The following SMYD3 variants were observed in gnomAD, a reference collection of about 807,000 sequenced individuals.
The protein encoded by SMYD3 is SET and MYND domain containing 3.
A neutral mutation model predicts 57.7 loss-of-function variants in SMYD3; 36 were observed. The observed-to-expected ratio is 0.62, with a 90% CI of 0.48 to 0.82. SMYD3 has a LOEUF of 0.82. Ranked by LOEUF, SMYD3 falls within the 40% of genes least tolerant of loss-of-function variation. The probability of loss-of-function intolerance (pLI) is 0.00; values close to 1 mark genes in which losing one functional copy is unlikely to be tolerated. For synonymous variants in SMYD3, 211 were observed against 195.0 expected, an observed-to-expected ratio of 1.08 and a Z score of -0.68; for missense variants, 515 against 538.8, an observed-to-expected ratio of 0.96 and a Z score of 0.44.
At chr1:245,972,898 C>A (rs1454068357) in intron 5 of SMYD3, among the ~76,000 whole-genome samples, 4 of 152,254 alleles carry the variant, frequency 2.6e-5, no homozygotes, top group Non-Finnish European at 5.9e-5. Context: ...TGAAGCTACT[C>A]AATTATCATT....
intron 5 of SMYD3, among the ~76,000 whole-genome samples, chr1:245,994,724 C>T (rs913348523): frequency 6.6e-6 from 1 of 152,062 alleles, no homozygotes; most frequent in East Asian, 1.9e-4. Flanking sequence ...ACTTCCCTCT[C>T]ATTATCCATC....
At chr1:246,439,508 A>G (rs1031518072) in intron 1 of SMYD3, among the ~76,000 whole-genome samples, 12 of 152,088 alleles carry the variant, frequency 7.9e-5, no homozygotes, top group African/African-American at 2.9e-4. Context: ...GCACACCAAC[A>G]ATTATCACCT....
intron 5 of SMYD3, among the ~76,000 whole-genome samples, chr1:246,290,195 G>T (rs1472978381): frequency 1.3e-5 from 2 of 152,092 alleles, no homozygotes; most frequent in Non-Finnish European, 2.9e-5. Flanking sequence ...TGGAGAAAAG[G>T]GAACTAAACC....
chr1:246,502,135 C>CTTTTTTTTTTTTTTT (rs56336266), intron 1 of SMYD3, among the ~76,000 whole-genome samples: 1 of 145,914 alleles, frequency 6.9e-6, no homozygotes, highest in Non-Finnish European at 1.5e-5. Context: ...ATGCAGCTGC[C>CTTTTTTTTTTTTTTT]TTTTTTTTTT....
intron 1 of SMYD3, among the ~76,000 whole-genome samples, chr1:246,405,803 G>A (rs544862848): frequency 4.0e-5 from 6 of 151,712 alleles, no homozygotes; most frequent in South Asian, 2.1e-4. Context: ...CCAGCTACCC[G>A]GGAGGCTGAG....
intron 10 of SMYD3, among the ~76,000 whole-genome samples, chr1:245,805,666 C>A (rs1367624318): frequency 6.6e-6 from 1 of 152,202 alleles, no homozygotes; most frequent in Admixed American, 6.5e-5. Context: ...TTTTTACCAT[C>A]TATTAGTCAT....
At chr1:246,358,814 C>T (rs1034310636) in intron 1 of SMYD3, among the ~76,000 whole-genome samples, 5 of 152,194 alleles carry the variant, frequency 3.3e-5, no homozygotes, top group Middle Eastern at 3.4e-3. Context: ...ACAGCAAAAG[C>T]GGTGCTAAGC....
chr1:245,818,767 T>C (rs2048992481), intron 10 of SMYD3, among the ~76,000 whole-genome samples: 1 of 152,022 alleles, frequency 6.6e-6, no homozygotes, highest in African/African-American at 2.4e-5. Flanking sequence ...AAACAGACTT[T>C]AAACCAACAA....
chr1:245,827,315 G>A (rs1054458078), intron 10 of SMYD3, among the ~76,000 whole-genome samples: 3 of 152,160 alleles, frequency 2.0e-5, no homozygotes, highest in African/African-American at 7.2e-5. Context: ...CAACACAACA[G>A]AGAGCGACAC....
rs924212162 is a variant in SMYD3 at position 246,210,059 on chromosome 1, T to C, written c.531+117142A>G. On this transcript the variant is annotated intron_variant, in intron 5 of 11. Coordinates refer to ENST00000490107, the MANE Select transcript of SMYD3 (RefSeq NM_001167740.2). ...CAATATCAGAATCACCTAGAGAGCC[T>C]GTTTAAAATGCATATTCCTAAGTTA... Among the ~76,000 whole-genome samples the C allele has an allele frequency of 9.9e-5, 15 of 152,166 alleles. 1 individual carries two copies. Among genetic ancestry groups the C allele is most frequent in the African/African-American group, 3.6e-4 (15 of 41,406 alleles).
intron 8 of SMYD3, among the ~76,000 whole-genome samples, chr1:245,910,134 A>T (rs1396288994): frequency 6.6e-6 from 1 of 152,190 alleles, no homozygotes; most frequent in Non-Finnish European, 1.5e-5. Context: ...AACATACAAA[A>T]ATCAGTAGCA....
chr1:245,902,512 A>C (rs554088320), intron 8 of SMYD3, among the ~76,000 whole-genome samples: 18 of 152,294 alleles, frequency 1.2e-4, no homozygotes, highest in African/African-American at 4.1e-4. Flanking sequence ...GGGTCAACCC[A>C]TCTCCAGTGG....
intron 5 of SMYD3, among the ~76,000 whole-genome samples, chr1:246,257,856 G>C (rs1434222075): frequency 2.6e-5 from 4 of 152,086 alleles, no homozygotes; most frequent in African/African-American, 9.7e-5. Flanking sequence ...GTGGGAGGGA[G>C]GTGTCACACC....
At chr1:245,999,984 T>C (rs1304539283) in intron 5 of SMYD3, among the ~76,000 whole-genome samples, 1 of 152,200 alleles carries the variant, frequency 6.6e-6, no homozygotes, top group Non-Finnish European at 1.5e-5. Flanking sequence ...TCCTCTTTTA[T>C]AAAATTGGAA....
At chr1:246,495,540 G>A (rs912741162) in intron 1 of SMYD3, among the ~76,000 whole-genome samples, 1 of 152,106 alleles carries the variant, frequency 6.6e-6, no homozygotes, top group Admixed American at 6.5e-5. Context: ...GATGAGAGCT[G>A]TTCAAAGACA....
At chr1:245,801,458 C>A (rs568386190) in intron 10 of SMYD3, among the ~76,000 whole-genome samples, 2 of 152,250 alleles carry the variant, frequency 1.3e-5, no homozygotes, top group Non-Finnish European at 2.9e-5. Context: ...GCATTCAAGT[C>A]TAAGTCCATG....
At chr1:246,343,742 C>T (rs1386111797) in intron 2 of SMYD3, among the ~76,000 whole-genome samples, 1 of 152,150 alleles carries the variant, frequency 6.6e-6, no homozygotes, top group Non-Finnish European at 1.5e-5. Flanking sequence ...TATCTCTGAT[C>T]CAGATTATTG....
chr1:246,312,830 T>C (rs972980059), intron 5 of SMYD3, among the ~76,000 whole-genome samples: 2 of 152,168 alleles, frequency 1.3e-5, no homozygotes, highest in Non-Finnish European at 2.9e-5. Flanking sequence ...GATGAGCAGG[T>C]TAAAAGACTT....
At chr1:246,445,589 A>T (rs1167239997) in intron 1 of SMYD3, among the ~76,000 whole-genome samples, 1 of 152,176 alleles carries the variant, frequency 6.6e-6, no homozygotes, top group Non-Finnish European at 1.5e-5. Context: ...GGGGTCTAAA[A>T]ACATACAACA....
Sources: allele counts gnomAD v4.1 joint callset (sites outside exome capture counted in the v4.1 genomes callset), GRCh38; gene constraint gnomAD v4.1.1; transcripts MANE v1.5; gene names NCBI Gene and HGNC (gene_info 2026-07-23, HGNC 2026-07-21).